Variants in GRM7 observed in about 807,000 individuals in gnomAD.
GRM7 encodes the protein metabotropic glutamate receptor 7.
GRM7 carries 35 observed loss-of-function variants against 84.5 expected under a neutral mutation model. The observed-to-expected ratio is 0.41, with a 90% confidence interval of 0.32 to 0.55. The LOEUF is 0.55. Among genes scored for constraint, GRM7 ranks in the 20% least tolerant of loss-of-function variants. The probability of loss-of-function intolerance (pLI) is 0.19; values close to 1 mark genes in which losing one functional copy is unlikely to be tolerated. For synonymous variants in GRM7, 487 were observed against 455.1 expected (o/e 1.07, Z -0.89); for missense variants, 1,003 against 1,194.6 (o/e 0.84, Z 2.36).
chr3:7,027,798 T>C (rs1418136562), intron 1 of GRM7, among the ~76,000 whole-genome samples: 2 of 152,242 alleles, frequency 1.3e-5, no homozygotes, highest in African/African-American at 4.8e-5. Flanking sequence ...TCTTTTTCTT[T>C]TTCTTGATCA....
chr3:7,425,933 C>T (rs996402176), intron 5 of GRM7, among the ~76,000 whole-genome samples: 2 of 152,038 alleles, frequency 1.3e-5, no homozygotes, highest in East Asian at 1.9e-4. Flanking sequence ...CTTCCAGCAC[C>T]GAGTATATAT....
chr3:7,383,094 C>A (rs1211052165), intron 4 of GRM7, among the ~76,000 whole-genome samples: 4 of 152,204 alleles, frequency 2.6e-5, no homozygotes, highest in Non-Finnish European at 4.4e-5. Flanking sequence ...CCCCCACATC[C>A]AAATTTCAGA....
At chr3:7,358,949 C>CCAGATAAAAAATAAT (rs1553567662) in intron 4 of GRM7, among the ~76,000 whole-genome samples, 1 of 144,770 alleles carries the variant, frequency 6.9e-6, no homozygotes, top group Non-Finnish European at 1.5e-5. Context: ...GAAACCCTGT[C>CCAGATAAAAAATAAT]TCTACTAAAA....
chr3:6,981,515 G>A (rs1460903129), intron 1 of GRM7, among the ~76,000 whole-genome samples: 1 of 152,128 alleles, frequency 6.6e-6, no homozygotes, highest in Non-Finnish European at 1.5e-5. Context: ...TCTACCTTGA[G>A]CACAAGACTT....
intron 8 of GRM7, among the ~76,000 whole-genome samples, chr3:7,596,829 A>G (rs147229079): frequency 1.7e-3 from 259 of 152,262 alleles, no homozygotes; most frequent in African/African-American, 5.9e-3. Context: ...CGTAAAGCCC[A>G]TGCACAGCTG....
At chr3:7,733,074 T>C (rs1372979895) in intron 9 of GRM7, among the ~76,000 whole-genome samples, 1 of 152,104 alleles carries the variant, frequency 6.6e-6, no homozygotes, top group Non-Finnish European at 1.5e-5. Context: ...ACTGTCTTTG[T>C]TTTGGTGGGA....
At chr3:7,017,884 A>G (rs1472564203) in intron 1 of GRM7, among the ~76,000 whole-genome samples, 2 of 152,238 alleles carry the variant, frequency 1.3e-5, no homozygotes, top group African/African-American at 4.8e-5. Context: ...AATGAGACAT[A>G]TAATCACCTC....
intron 1 of GRM7, among the ~76,000 whole-genome samples, chr3:7,060,809 T>C (rs1438809909): frequency 6.6e-6 from 1 of 151,652 alleles, no homozygotes; most frequent in African/African-American, 2.4e-5. Flanking sequence ...AAGAATAAAA[T>C]ATTATGGGGA....
At chr3:7,383,007 A>G (rs1694649548) in intron 4 of GRM7, among the ~76,000 whole-genome samples, 1 of 152,172 alleles carries the variant, frequency 6.6e-6, no homozygotes, top group Admixed American at 6.5e-5. Context: ...CAAGTGGGCC[A>G]TGTGTTTGTA....
In GRM7 at chr3:7,685,329, T is replaced by C. The variant is rs186652899; in HGVS notation, c.2698+5034T>C. Among the ~76,000 whole-genome samples the C allele has an allele frequency of 3.3e-3, 508 of 152,328 alleles. 1 individual carries two copies. Among genetic ancestry groups the C allele is most frequent in the Middle Eastern group, 0.014 (4 of 294 alleles). ...AGTGAAGAGAGGCCTGGCCCTAAGC[T>C]ACCTTTCTCTTAAGCTACCATCCAT... is the stretch of plus-strand genomic sequence containing the variant. On this transcript the variant is annotated intron_variant, in intron 9 of 9. Transcript: ENST00000357716.
chr3:7,172,097 T>G (rs560280190), intron 2 of GRM7, among the ~76,000 whole-genome samples: 7 of 152,186 alleles, frequency 4.6e-5, no homozygotes, highest in Non-Finnish European at 8.8e-5. Flanking sequence ...TATATTGTTT[T>G]AGCACGGGAT....
intron 4 of GRM7, among the ~76,000 whole-genome samples, chr3:7,336,898 A>G (rs571405451): frequency 1.3e-5 from 2 of 152,214 alleles, no homozygotes; most frequent in South Asian, 4.1e-4. Flanking sequence ...ATCATAGACA[A>G]CACAAACAAA....
chr3:6,964,159 C>A (rs1302187709), intron 1 of GRM7, among the ~76,000 whole-genome samples: 1 of 152,172 alleles, frequency 6.6e-6, no homozygotes, highest in African/African-American at 2.4e-5. Flanking sequence ...TGTTAAATAT[C>A]TCTCCTGTCT....
rs553977134 is a variant in GRM7, at chr3:6,894,894, A to T, written c.519+32987A>T. ...TTGAAACATCTATTTTCTCTAGGAG[A>T]TGGAAAGGTATCTCAAGTGAAGTCT... On this transcript the variant is annotated intron_variant, in intron 1 of 9. Coordinates refer to ENST00000357716, the MANE Select transcript of GRM7 (RefSeq NM_000844.4). Among the ~76,000 whole-genome samples, 6 of 152,258 alleles carry T rather than the reference A, an allele frequency of 3.9e-5. No individual in the cohort carries two copies. In the East Asian group the frequency reaches 9.6e-4, roughly 24 times the overall value.
intron 8 of GRM7, among the ~76,000 whole-genome samples, chr3:7,650,905 A>G (rs3792440): frequency 0.027 from 4,161 of 152,262 alleles, 144 homozygotes; most frequent in East Asian, 0.1. Flanking sequence ...AAAAAGAAAG[A>G]GTCAGAGGGT....
At chr3:7,515,534 A>G (rs2124982702) in intron 7 of GRM7, among the ~76,000 whole-genome samples, 1 of 152,324 alleles carries the variant, frequency 6.6e-6, no homozygotes, top group South Asian at 2.1e-4. Flanking sequence ...TCAAACCAAG[A>G]AATCAAATTG....
rs112543899 is a variant in GRM7 at position 7,372,486 on chromosome 3, A to G, written c.1034-42537A>G. Among the ~76,000 whole-genome samples, 846 of 152,128 alleles carry G rather than the reference A, an allele frequency of 5.6e-3. 11 individuals are homozygous for G. The highest frequency in any genetic ancestry group is 0.02 in the African/African-American group (815 of 41,510). On this transcript the variant is annotated intron_variant, in intron 4 of 9. Transcript: ENST00000357716. ...GTCTGTATGCATAAAATATTCTCCC[A>G]ATTACTCTTGGGTCTACAGATGTAC...
At chr3:7,409,261 A>G (rs1695812006) in intron 4 of GRM7, among the ~76,000 whole-genome samples, 1 of 152,168 alleles carries the variant, frequency 6.6e-6, no homozygotes, top group African/African-American at 2.4e-5. Context: ...TTTAAAAGCA[A>G]CTTGTCTATC....
At chr3:7,014,196 A>G (rs1198604370) in intron 1 of GRM7, among the ~76,000 whole-genome samples, 5 of 152,154 alleles carry the variant, frequency 3.3e-5, no homozygotes, top group Non-Finnish European at 5.9e-5. Flanking sequence ...AACCAAAACA[A>G]ATATCTCTGG....
Sources: allele counts gnomAD v4.1 joint callset (sites outside exome capture counted in the v4.1 genomes callset), GRCh38; gene constraint gnomAD v4.1.1; transcripts MANE v1.5; gene names NCBI Gene and HGNC (gene_info 2026-07-23, HGNC 2026-07-21).